The following PRKCA variants were observed in gnomAD, a reference collection of about 807,000 sequenced individuals.
PRKCA encodes the protein protein kinase C alpha type.
A neutral mutation model predicts 87.0 loss-of-function variants in PRKCA; 27 were observed. That is an observed-to-expected ratio of 0.31 (90% CI 0.23 to 0.43). PRKCA has a LOEUF of 0.43. Ranked by LOEUF, PRKCA falls within the 20% of genes least tolerant of loss-of-function variation. The probability of loss-of-function intolerance (pLI) is 1.00; values close to 1 mark genes in which losing one functional copy is unlikely to be tolerated. For synonymous variants in PRKCA, 329 were observed against 311.1 expected (o/e 1.06, Z -0.61); for missense variants, 518 against 852.3 (o/e 0.61, Z 4.88).
intron 3 of PRKCA, among the ~76,000 whole-genome samples, chr17:66,574,148 G>C (rs1034347990): frequency 6.6e-6 from 1 of 152,134 alleles, no homozygotes; most frequent in African/African-American, 2.4e-5. Context: ...AATGAATTTG[G>C]TGATATGTAT....
chr17:66,628,064 T>C (rs538499392), intron 3 of PRKCA, among the ~76,000 whole-genome samples: 2 of 151,962 alleles, frequency 1.3e-5, no homozygotes, highest in African/African-American at 2.4e-5. Context: ...GATTAACATA[T>C]CACTTTTTAG....
At chr17:66,790,341 G>A (rs756505428) in intron 16 of PRKCA, among the ~76,000 whole-genome samples, 22 of 152,280 alleles carry the variant, frequency 1.4e-4, no homozygotes, top group Admixed American at 2.6e-4. Context: ...CTGAATCATC[G>A]TTTCAAATAA....
At chr17:66,744,424 G>C (rs1050870705) in intron 13 of PRKCA, among the ~76,000 whole-genome samples, 23 of 152,342 alleles carry the variant, frequency 1.5e-4, no homozygotes, top group African/African-American at 5.5e-4. Flanking sequence ...AGCAGATGAT[G>C]TAAAAGCTTA....
chr17:66,387,528 C>T (rs777339820), intron 2 of PRKCA, among the ~76,000 whole-genome samples: 3 of 152,130 alleles, frequency 2.0e-5, no homozygotes, highest in Non-Finnish European at 4.4e-5. Flanking sequence ...GTAAAAGGAG[C>T]CTTTCATCTT....
intron 3 of PRKCA, among the ~76,000 whole-genome samples, chr17:66,544,652 G>C (rs961885763): frequency 6.6e-6 from 1 of 152,136 alleles, no homozygotes; most frequent in Admixed American, 6.5e-5. Flanking sequence ...GAGTACTGTG[G>C]CATGATCTCA....
chr17:66,391,331 C>T (rs768492596), intron 2 of PRKCA, among the ~76,000 whole-genome samples: 90 of 152,248 alleles, frequency 5.9e-4, no homozygotes, highest in Non-Finnish European at 1.1e-3. Context: ...TTGAGTGCTC[C>T]TTGGTTCCCC....
At chr17:66,353,125 C>T (rs966324361) in intron 2 of PRKCA, among the ~76,000 whole-genome samples, 16 of 152,106 alleles carry the variant, frequency 1.1e-4, no homozygotes, top group Non-Finnish European at 5.9e-5. Context: ...AGCTGGGTGG[C>T]TATGATTTGC....
chr17:66,759,652 C>T (rs1974636554), intron 13 of PRKCA, among the ~76,000 whole-genome samples: 1 of 152,000 alleles, frequency 6.6e-6, no homozygotes, highest in South Asian at 2.1e-4. Context: ...AGAAGATTGC[C>T]AGACTAGATC....
rs985148476 is a variant in PRKCA, at chr17:66,808,518, G to A, written c.*4481G>A. 2 of 152,378 alleles carry A rather than the reference G, an allele frequency of 1.3e-5. No individual in the cohort carries two copies. The highest frequency in any genetic ancestry group is 6.6e-5 in the Admixed American group (1 of 15,258). 9.4% of individuals were successfully genotyped at this position (152,378 alleles called of 1,614,324 possible). A position where few individuals can be genotyped will look rare whatever the true frequency, so the allele number is the denominator to read the frequency against. On this transcript the variant is annotated 3_prime_UTR_variant, in exon 17 of 17. Coordinates refer to ENST00000413366, the MANE Select transcript of PRKCA (RefSeq NM_002737.3). ...TCTTTATAACCCGACAAGGGTAGGA[G>A]TGCCTGTTTCCCCTGCTGGGCACAC...
At chr17:66,712,065 A>G (rs534647801) in intron 8 of PRKCA, among the ~76,000 whole-genome samples, 1 of 151,908 alleles carries the variant, frequency 6.6e-6, no homozygotes, top group East Asian at 1.9e-4. Flanking sequence ...GATTCAATGC[A>G]GGGTGTTGAC....
At chr17:66,355,333 T>C (rs554865393) in intron 2 of PRKCA, among the ~76,000 whole-genome samples, 6 of 152,166 alleles carry the variant, frequency 3.9e-5, no homozygotes, top group Non-Finnish European at 8.8e-5. Context: ...GGCTCCTTCC[T>C]CTCCTTGCCT....
chr17:66,666,082 A>C (rs564134529), intron 5 of PRKCA, among the ~76,000 whole-genome samples: 76 of 152,306 alleles, frequency 5.0e-4, no homozygotes, highest in African/African-American at 1.7e-3. Context: ...ACTTGATGAG[A>C]GCAATCAGTG....
At chr17:66,383,679 GA>G (rs1345385097) in intron 2 of PRKCA, among the ~76,000 whole-genome samples, 1 of 152,154 alleles carries the variant, frequency 6.6e-6, no homozygotes, top group Non-Finnish European at 1.5e-5. Context: ...GATCATCATG[GA>G]AAATCCTGTC....
At position 66,775,814 on chromosome 17, in the gene PRKCA, C is replaced by T. The variant is rs140240288; in HGVS notation, c.1605+1747C>T. ...TGGCCATAAGGATGAACAAAACAGA[C>T]GAGAATCCTTAACTTCGTGAAGCTT... On this transcript the variant is annotated intron_variant, in intron 14 of 16. Coordinates refer to ENST00000413366, the MANE Select transcript of PRKCA (RefSeq NM_002737.3). 6.5e-4 allele frequency: 624 copies of T among 957,568 alleles called. 1 individual carries two copies. Among genetic ancestry groups the T allele is most frequent in the Middle Eastern group, 5.9e-3 (11 of 1,874 alleles). The allele number at this position is 957,568 out of a possible 1,614,324, so 59.3% of individuals were successfully genotyped here.
chr17:66,635,749 C>T lies in PRKCA; in HGVS notation c.289-5606C>T, dbSNP rs182842696. Among the ~76,000 whole-genome samples, 268 of 152,270 alleles carry T rather than the reference C, an allele frequency of 1.8e-3. 2 individuals are homozygous for T. Among genetic ancestry groups the T allele is most frequent in the Middle Eastern group, 0.01 (3 of 294 alleles). On this transcript the variant is annotated intron_variant, in intron 3 of 16. Coordinates refer to ENST00000413366, the MANE Select transcript of PRKCA (RefSeq NM_002737.3). ...ATACATATGTAGTACAGTAAATGCT[C>T]TTGCATTGGAATTATGCATGTAAAA...
rs577049285 is a variant in PRKCA, at chr17:66,623,648, CG to C, written c.289-17706del. Among the ~76,000 whole-genome samples, 19 of 152,044 alleles carry C rather than the reference CG, an allele frequency of 1.2e-4. No individual in the cohort carries two copies. The South Asian group carries it at 3.7e-3, about 30-fold the overall frequency. On this transcript the variant is annotated intron_variant, in intron 3 of 16. Coordinates refer to ENST00000413366, the MANE Select transcript of PRKCA (RefSeq NM_002737.3). ...AGCAAGGCAGATCAGGTCCCTGCTACGTGTAGAATTTACATTTTAAAGAAAA... is the reference window on the plus strand; with the variant it reads ...AGCAAGGCAGATCAGGTCCCTGCTACTGTAGAATTTACATTTTAAAGAAAA...
chr17:66,699,119 A>G (rs915538182), intron 8 of PRKCA, among the ~76,000 whole-genome samples: 1 of 150,890 alleles, frequency 6.6e-6, no homozygotes, highest in Admixed American at 6.6e-5. Context: ...GGATGGCTTG[A>G]GCTCAGGAAT....
chr17:66,553,085 G>A (rs1598763008), intron 3 of PRKCA, among the ~76,000 whole-genome samples: 2 of 151,882 alleles, frequency 1.3e-5, no homozygotes, highest in South Asian at 2.1e-4. Context: ...GGGTTCAAGC[G>A]ATTCTTCTGC....
At chr17:66,753,605 G>A (rs947729240) in intron 13 of PRKCA, among the ~76,000 whole-genome samples, 2 of 152,076 alleles carry the variant, frequency 1.3e-5, no homozygotes, top group South Asian at 2.1e-4. Context: ...GCATCCCCAC[G>A]CCCCCACCCC....
Sources: gnomAD v4.1 joint callset for allele counts (sites outside exome capture counted in the v4.1 genomes callset) on GRCh38, gnomAD v4.1.1 for gene constraint, MANE v1.5 for transcripts, NCBI Gene and HGNC (gene_info 2026-07-23, HGNC 2026-07-21) for gene names.